The following CRADD variants were observed in gnomAD, a reference collection of about 807,000 sequenced individuals.
CRADD encodes the protein CARD and death domain containing adaptor protein.
A neutral mutation model predicts 15.5 loss-of-function variants in CRADD; 9 were observed. That is an observed-to-expected ratio of 0.58 (90% CI 0.35 to 1.01). The LOEUF (loss-of-function observed/expected upper bound fraction) is 1.01, where lower values mean the gene tolerates loss of function less well. CRADD is among the 50% of genes least tolerant of loss of function. The probability of loss-of-function intolerance (pLI) is 0.02; values close to 1 mark genes in which losing one functional copy is unlikely to be tolerated. For missense variants in CRADD, 227 were observed against 250.3 expected, an observed-to-expected ratio of 0.91 and a Z score of 0.63; for synonymous variants, 118 against 107.6, an observed-to-expected ratio of 1.10 and a Z score of -0.60.
At chr12:93,678,586 T>C (rs1208082290) in intron 1 of CRADD, among the ~76,000 whole-genome samples, 183 bp from the exon 2 acceptor site, 2 of 152,234 alleles carry the variant, frequency 1.3e-5, no homozygotes, top group East Asian at 3.8e-4. Context: ...TGTTGTTCAT[T>C]ATGTTAGGAA....
At chr12:93,852,381 C>T (rs190455622), downstream of CRADD, among the ~76,000 whole-genome samples, 5 of 152,340 alleles carry the variant, frequency 3.3e-5, no homozygotes, top group African/African-American at 4.8e-5. Context: ...TAAAGACACT[C>T]GTGGGCTCTG....
intron 2 of CRADD, among the ~76,000 whole-genome samples, chr12:93,766,428 T>G (rs893204778): frequency 5.9e-5 from 9 of 152,346 alleles, no homozygotes; most frequent in African/African-American, 2.2e-4. Context: ...CTTTTTCTGA[T>G]TGAAACAAAA....
At chr12:93,852,914 T>C (rs547580079), downstream of CRADD, among the ~76,000 whole-genome samples, 165 of 152,146 alleles carry the variant, frequency 1.1e-3, no homozygotes, top group Non-Finnish European at 2.0e-3. Context: ...ACTATAACTT[T>C]TATTAATTTT....
intron 2 of CRADD, among the ~76,000 whole-genome samples, chr12:93,715,494 A>C (rs1956145623): frequency 6.6e-6 from 1 of 152,110 alleles, no homozygotes; most frequent in South Asian, 2.1e-4. Flanking sequence ...AGTTGGGTGA[A>C]ATTTAGTGTT....
exon 3 of CRADD, chr12:93,894,194 C>T (rs1269687845): frequency 1.2e-5 from 8 of 687,846 alleles, no homozygotes; most frequent in South Asian, 4.5e-5. Flanking sequence ...CAATCAAGGG[C>T]GATTTTGCCT....
intron 2 of CRADD, among the ~76,000 whole-genome samples, chr12:93,771,791 C>T (rs1957088257): frequency 6.6e-6 from 1 of 152,172 alleles, no homozygotes; most frequent in Non-Finnish European, 1.5e-5. Context: ...CTAGACATGA[C>T]CTCACTGCTC....
chr12:93,766,919 C>A (rs533764798), intron 2 of CRADD, among the ~76,000 whole-genome samples: 1 of 152,308 alleles, frequency 6.6e-6, no homozygotes, highest in South Asian at 2.1e-4. Flanking sequence ...TAGGGACTCT[C>A]AAGAGATAGC....
chr12:93,791,720 TGA>T (rs1957351563), intron 2 of CRADD, among the ~76,000 whole-genome samples: 1 of 152,152 alleles, frequency 6.6e-6, no homozygotes, highest in Non-Finnish European at 1.5e-5. Flanking sequence ...GTTAGTTAGT[TGA>T]GTTAGCTAGC....
intron 2 of CRADD, among the ~76,000 whole-genome samples, chr12:93,749,678 G>A (rs1176880846): frequency 6.6e-6 from 1 of 152,104 alleles, no homozygotes; most frequent in Non-Finnish European, 1.5e-5. Flanking sequence ...GTAGTATTGA[G>A]CAATTCTCCT....
At chr12:93,886,162 C>CGTTTTTTT (rs1555231623) in intron 2 of CRADD, among the ~76,000 whole-genome samples, 1 of 123,948 alleles carries the variant, frequency 8.1e-6, no homozygotes, top group African/African-American at 3.0e-5. Flanking sequence ...GCTGCTGATG[C>CGTTTTTTT]TTTTTTTTTT....
At chr12:93,736,757 A>G (rs141484200) in intron 2 of CRADD, among the ~76,000 whole-genome samples, 8 of 152,356 alleles carry the variant, frequency 5.3e-5, no homozygotes, top group African/African-American at 1.9e-4. Context: ...AGAGCAAATG[A>G]TTGCAGATAA....
At chr12:93,805,284 T>A (rs1957524123) in intron 2 of CRADD, among the ~76,000 whole-genome samples, 1 of 152,042 alleles carries the variant, frequency 6.6e-6, no homozygotes, top group African/African-American at 2.4e-5. Context: ...AGTCTTTTTT[T>A]CTTAATATAT....
At chr12:93,844,325 T>G (rs1372876449) in intron 2 of CRADD, among the ~76,000 whole-genome samples, 1 of 152,160 alleles carries the variant, frequency 6.6e-6, no homozygotes, top group Non-Finnish European at 1.5e-5. Flanking sequence ...TTAAGTAACC[T>G]TGTGTTCAGC....
chr12:93,830,686 C>T (rs1957886145), intron 2 of CRADD, among the ~76,000 whole-genome samples: 1 of 152,200 alleles, frequency 6.6e-6, no homozygotes, highest in South Asian at 2.1e-4. Context: ...GTACTGAATA[C>T]TTGCTAGGAT....
chr12:93,881,572 G>T (rs1958502774), intron 2 of CRADD, among the ~76,000 whole-genome samples: 1 of 152,048 alleles, frequency 6.6e-6, no homozygotes, highest in South Asian at 2.1e-4. Flanking sequence ...AAAAGAATTG[G>T]CTCCCTCACT....
chr12:93,739,622 A>C (rs1279964160), intron 2 of CRADD, among the ~76,000 whole-genome samples: 1 of 152,140 alleles, frequency 6.6e-6, no homozygotes, highest in African/African-American at 2.4e-5. Flanking sequence ...TGACAATGTC[A>C]CTGGATTTCA....
At chr12:93,713,765 A>G (rs1956115449) in intron 2 of CRADD, among the ~76,000 whole-genome samples, 1 of 152,242 alleles carries the variant, frequency 6.6e-6, no homozygotes, top group Non-Finnish European at 1.5e-5. Context: ...AGTATGAAAA[A>G]ATAATGTAAA....
intron 2 of CRADD, among the ~76,000 whole-genome samples, chr12:93,705,840 G>T (rs1955937293): frequency 1.3e-5 from 2 of 152,184 alleles, no homozygotes; most frequent in Non-Finnish European, 2.9e-5. Context: ...TGCTTTCGCG[G>T]CATTACCATC....
intron 2 of CRADD, among the ~76,000 whole-genome samples, chr12:93,711,055 C>CCCCCCTCCT: frequency 2.3e-5 from 1 of 43,508 alleles, no homozygotes. Flanking sequence ...CCACCCCCGC[C>CCCCCCTCCT]TTTTTTTTTT....
Sources: gnomAD v4.1 joint callset for allele counts (sites outside exome capture counted in the v4.1 genomes callset) on GRCh38, gnomAD v4.1.1 for gene constraint, MANE v1.5 for transcripts, NCBI Gene and HGNC (gene_info 2026-07-23, HGNC 2026-07-21) for gene names.